UNC5D: variants seen among roughly 807,000 people sequenced by gnomAD.
The protein encoded by UNC5D is unc-5 netrin receptor D.
UNC5D carries 39 observed loss-of-function variants against 105.4 expected under a neutral mutation model. The ratio of observed to expected loss-of-function variants is 0.37; its 90% confidence interval spans 0.29 to 0.48. UNC5D has a LOEUF of 0.48. UNC5D is among the 20% of genes least tolerant of loss of function. UNC5D has a pLI of 0.98. For synonymous variants in UNC5D, 452 were observed against 450.4 expected (o/e 1.00, Z -0.04); for missense variants, 991 against 1,202.4 (o/e 0.82, Z 2.60).
intron 1 of UNC5D, among the ~76,000 whole-genome samples, chr8:35,452,706 A>T (rs1301106646): frequency 6.6e-6 from 1 of 152,202 alleles, no homozygotes; most frequent in Non-Finnish European, 1.5e-5. Context: ...AGTGTTGCTG[A>T]TGAATTTGCA....
At chr8:35,429,874 C>G (rs1340155398) in intron 1 of UNC5D, among the ~76,000 whole-genome samples, 1 of 152,068 alleles carries the variant, frequency 6.6e-6, no homozygotes, top group Non-Finnish European at 1.5e-5. Flanking sequence ...AAACCATTTT[C>G]TCGAATTTCA....
intron 3 of UNC5D, among the ~76,000 whole-genome samples, chr8:35,583,143 G>C (rs998632073): frequency 1.3e-5 from 2 of 152,204 alleles, no homozygotes; most frequent in Non-Finnish European, 2.9e-5. Flanking sequence ...CTTGAGGTCA[G>C]GAGTTAGAGA....
At chr8:35,477,642 A>T (rs1341527656) in intron 1 of UNC5D, among the ~76,000 whole-genome samples, 1 of 152,190 alleles carries the variant, frequency 6.6e-6, no homozygotes, top group Non-Finnish European at 1.5e-5. Context: ...AAAGGAAAAA[A>T]AAATGTTTAC....
At chr8:35,611,010 C>CAAAAAAA (rs11314770) in intron 4 of UNC5D, among the ~76,000 whole-genome samples, 9 of 60,090 alleles carry the variant, frequency 1.5e-4, no homozygotes, top group Non-Finnish European at 1.9e-4. Flanking sequence ...GACAAAGAAG[C>CAAAAAAA]AAAAAAAAAA....
At chr8:35,739,380 G>A (rs576381358) in intron 11 of UNC5D, among the ~76,000 whole-genome samples, 1 of 152,256 alleles carries the variant, frequency 6.6e-6, no homozygotes, top group African/African-American at 2.4e-5. Flanking sequence ...GTCATTTTAA[G>A]ACCTGCTCTT....
chr8:35,560,803 T>C (rs1816901185), intron 2 of UNC5D, among the ~76,000 whole-genome samples: 1 of 152,116 alleles, frequency 6.6e-6, no homozygotes, highest in Non-Finnish European at 1.5e-5. Flanking sequence ...GAGCAGTTGT[T>C]TTATATGCAC....
intron 4 of UNC5D, among the ~76,000 whole-genome samples, chr8:35,655,415 T>TA (rs1311195229): frequency 6.6e-6 from 1 of 152,174 alleles, no homozygotes; most frequent in Non-Finnish European, 1.5e-5. Flanking sequence ...GAGTCATACT[T>TA]AGAGATAATG....
intron 1 of UNC5D, among the ~76,000 whole-genome samples, chr8:35,406,130 C>A (rs140771888): frequency 6.6e-6 from 1 of 152,054 alleles, no homozygotes; most frequent in East Asian, 1.9e-4. Flanking sequence ...GTGCCTCAAA[C>A]GGGATAGACT....
chr8:35,749,091 G>A (rs1830138409), intron 12 of UNC5D, among the ~76,000 whole-genome samples: 1 of 152,048 alleles, frequency 6.6e-6, no homozygotes, highest in Admixed American at 6.6e-5. Context: ...AAATAACTAT[G>A]TCTGTTTTTT....
intron 16 of UNC5D, among the ~76,000 whole-genome samples, chr8:35,784,878 G>C (rs1055592122): frequency 6.6e-6 from 1 of 152,042 alleles, no homozygotes; most frequent in Non-Finnish European, 1.5e-5. Flanking sequence ...ATTTGAAAAG[G>C]CTATAACAAA....
chr8:35,286,727 G>C (rs1249404109), intron 1 of UNC5D, among the ~76,000 whole-genome samples: 1 of 152,110 alleles, frequency 6.6e-6, no homozygotes, highest in Non-Finnish European at 1.5e-5. Context: ...ACCAAACCTT[G>C]GCGTTCTACT....
At chr8:35,564,432 T>G (rs1817184434) in intron 2 of UNC5D, among the ~76,000 whole-genome samples, 1 of 152,172 alleles carries the variant, frequency 6.6e-6, no homozygotes, top group African/African-American at 2.4e-5. Context: ...CATTGATGGA[T>G]GTTCTCTCTC....
intron 1 of UNC5D, among the ~76,000 whole-genome samples, chr8:35,357,490 T>C (rs1801626404): frequency 6.6e-6 from 1 of 152,192 alleles, no homozygotes; most frequent in Non-Finnish European, 1.5e-5. Context: ...GATTGGATGA[T>C]GGGGCCTTCC....
At chr8:35,573,949 C>G (rs1817924516) in intron 3 of UNC5D, among the ~76,000 whole-genome samples, 1 of 152,126 alleles carries the variant, frequency 6.6e-6, no homozygotes, top group Admixed American at 6.6e-5. Context: ...TACATTTACC[C>G]CACAAAATTG....
At chr8:35,505,276 A>G (rs2130287128) in intron 1 of UNC5D, among the ~76,000 whole-genome samples, 1 of 152,370 alleles carries the variant, frequency 6.6e-6, no homozygotes, top group Non-Finnish European at 1.5e-5. Flanking sequence ...TAATGCAGTA[A>G]TCCCCAAAAT....
At chr8:35,630,290 T>G (rs1249912735) in intron 4 of UNC5D, among the ~76,000 whole-genome samples, 1 of 152,222 alleles carries the variant, frequency 6.6e-6, no homozygotes, top group Non-Finnish European at 1.5e-5. Context: ...CTACAACTGT[T>G]TTCCCTGTTT....
intron 1 of UNC5D, among the ~76,000 whole-genome samples, chr8:35,362,356 A>G (rs545828151): frequency 6.6e-6 from 1 of 152,326 alleles, no homozygotes; most frequent in African/African-American, 2.4e-5. Flanking sequence ...GGTGTAAAGC[A>G]CTTAGCCCAG....
intron 4 of UNC5D, among the ~76,000 whole-genome samples, chr8:35,615,508 T>A (rs747986897): frequency 3.3e-5 from 5 of 152,160 alleles, no homozygotes; most frequent in African/African-American, 9.7e-5. Flanking sequence ...TATTTTATTT[T>A]ATTTAATTTT....
intron 1 of UNC5D, among the ~76,000 whole-genome samples, chr8:35,287,032 G>A (rs1778106865): frequency 6.6e-6 from 1 of 152,134 alleles, no homozygotes; most frequent in African/African-American, 2.4e-5. Flanking sequence ...TTTGATCTCA[G>A]AGCACAGGAA....
Sources: gnomAD v4.1 joint callset for allele counts (sites outside exome capture counted in the v4.1 genomes callset) on GRCh38, gnomAD v4.1.1 for gene constraint, MANE v1.5 for transcripts, NCBI Gene and HGNC (gene_info 2026-07-23, HGNC 2026-07-21) for gene names.